ABCC10: variants seen among roughly 807,000 people sequenced by gnomAD.
ABCC10 encodes ATP-binding cassette sub-family C member 10.
A neutral mutation model predicts 143.2 loss-of-function variants in ABCC10; 110 were observed. The ratio of observed to expected loss-of-function variants is 0.77; its 90% CI spans 0.66 to 0.90. The LOEUF is 0.90. Among genes scored for constraint, ABCC10 ranks in the 40% least tolerant of loss-of-function variants. The pLI is 0.00. For synonymous variants in ABCC10, 805 were observed against 846.7 expected, an observed-to-expected ratio of 0.95 and a Z score of 0.85; for missense variants, 1,700 against 1,900.5, an observed-to-expected ratio of 0.89 and a Z score of 1.96.
chr6:43,438,227 G>A (rs1781965444), intron 7 of ABCC10: 1 of 951,516 alleles, frequency 1.1e-6, no homozygotes, highest in Non-Finnish European at 1.5e-6. Context: ...TGCTATAATA[G>A]TCAGCAAAGG....
chr6:43,433,366 CG>C lies in ABCC10; in HGVS notation c.1380+9del. The stretch of plus-strand genomic sequence containing the variant: ...ACAAGGATGCGCGGGTTAAGGTGAG[CG>C]GGTACTTGGGGTCCCTCAGCTATCT... On this transcript the variant is annotated splice_region_variant and intron_variant, in intron 3 of 21. Coordinates refer to ENST00000372530, the MANE Select transcript of ABCC10 (RefSeq NM_001198934.2). 1 of 1,599,124 alleles carries C rather than the reference CG, an allele frequency of 6.3e-7. No individual in the cohort carries two copies. The highest frequency in any genetic ancestry group is 2.2e-5 in the East Asian group (1 of 44,638).
rs1401913699 is a variant in ABCC10, at chr6:43,449,223, A to G, written c.4203+19A>G. On this transcript the variant is annotated intron_variant, in intron 20 of 21. Transcript: ENST00000372530. Reference sequence around the variant, plus strand: ...TGCCAAGGTAAGGTGAGAGAAAGAGACATTAGAGAGGGCCAGGAAGAAGGC... The same window carrying G: ...TGCCAAGGTAAGGTGAGAGAAAGAGGCATTAGAGAGGGCCAGGAAGAAGGC... 6.2e-7 allele frequency: 1 copy of G among 1,612,538 alleles called. No homozygotes were observed. Among genetic ancestry groups the G allele is most frequent in the Non-Finnish European group, 8.5e-7 (1 of 1,179,032 alleles).
downstream of ABCC10, chr6:43,450,921 G>T (rs1783691851): frequency 6.2e-7 from 1 of 1,614,068 alleles, no homozygotes; most frequent in Non-Finnish European, 8.5e-7. This position sits in a 1 kb window ranked among gnomAD's most constrained non-coding sequence, Gnocchi z 4.5. Flanking sequence ...CACTGTGGTT[G>T]GGGGGTCTGG....
Position 43,432,946 on chromosome 6 carries a change from C to A in ABCC10, c.966C>A (p.His322Gln), listed in dbSNP as rs145760020. 6.2e-7 allele frequency: 1 copy of A among 1,614,184 alleles called. No homozygotes were observed. Among genetic ancestry groups the A allele is most frequent in the Non-Finnish European group, 8.5e-7 (1 of 1,180,034 alleles). The change falls in exon 3 of 22, where the codon CAC becomes CAA. Residue 322 changes from histidine (H) to glutamine (Q), a missense_variant. Transcript: ENST00000372530. Reference sequence around the variant, plus strand: ...AAGAGGGGCAGGAGCCACTAAGCCACGGCCTGCTCTATGCTCTGGGGCTAG... The same window carrying A: ...AAGAGGGGCAGGAGCCACTAAGCCAAGGCCTGCTCTATGCTCTGGGGCTAG... The part of the protein sequence containing the change: ...FLEEGQEPLS[H>Q]GLLYALGLAG...
intron 2 of ABCC10, among the ~76,000 whole-genome samples, chr6:43,429,354 CTTTCTTTCT>C (rs1780850197): frequency 2.5e-4 from 1 of 4,046 alleles, no homozygotes; most frequent in Non-Finnish European, 8.9e-4. Flanking sequence ...TCTTTCTTTT[CTTTCTTTCT>C]TTTCTTTCTT....
Position 43,449,950 on chromosome 6 carries a change from A to G in ABCC10, c.4338A>G (p.Ser1446=), listed in dbSNP as rs778534477. Residue 1446 remains serine, a synonymous_variant, in exon 22 of 22, where the codon TCA becomes TCG. Coordinates refer to ENST00000372530, the MANE Select transcript of ABCC10 (RefSeq NM_001198934.2). ...IAHRLNTILN[S]DRVLVLQAGR... The stretch of plus-strand genomic sequence containing the variant: ...ACAGGCTCAACACGATCCTGAACTC[A>G]GACCGGGTGCTGGTGCTACAAGCGG... The G allele has an allele frequency of 1.9e-6, 3 of 1,613,926 alleles. No individual in the cohort carries two copies. The African/African-American group carries it at 4.0e-5, about 22-fold the overall frequency.
rs1432920537 is a variant in ABCC10 at position 43,433,377 on chromosome 6, G to A, written c.1380+17G>A. 1.3e-6 allele frequency: 2 copies of A among 1,588,496 alleles called. No individual in the cohort carries two copies. The highest frequency in any genetic ancestry group is 1.3e-5 in the African/African-American group (1 of 74,594). On this transcript the variant is annotated intron_variant, in intron 3 of 21. Coordinates refer to ENST00000372530, the MANE Select transcript of ABCC10 (RefSeq NM_001198934.2). ...CGGGTTAAGGTGAGCGGGTACTTGGGGTCCCTCAGCTATCTGGAGACCCCA... is the reference window on the plus strand; with the variant it reads ...CGGGTTAAGGTGAGCGGGTACTTGGAGTCCCTCAGCTATCTGGAGACCCCA...
Position 43,444,852 on chromosome 6 carries a change from C to G in ABCC10, c.2754C>G (p.Ser918Arg), listed in dbSNP as rs1238052255. The G allele has an allele frequency of 6.2e-7, 1 of 1,613,878 alleles. No homozygotes were observed. The highest frequency in any genetic ancestry group is 1.3e-5 in the African/African-American group (1 of 74,926). ...HWISQLKAEN[S>R]SQEAQPSTSP... ...TCTCTCAGCTGAAGGCTGAGAATAG[C>G]TCCCAGGAGGCGCAACCCTCCACCA... The change falls in exon 13 of 22, where the codon AGC (serine) becomes AGG (arginine). Residue 918 changes from serine to arginine, a missense_variant. Coordinates refer to ENST00000372530, the MANE Select transcript of ABCC10 (RefSeq NM_001198934.2).
intron 2 of ABCC10, among the ~76,000 whole-genome samples, chr6:43,430,455 C>A (rs529378051): frequency 6.6e-6 from 1 of 151,972 alleles, no homozygotes; most frequent in Non-Finnish European, 1.5e-5. Context: ...TAACTGTCAT[C>A]AGGTGGACTT....
At chr6:43,433,972 T>G (rs1194596206) in intron 3 of ABCC10, among the ~76,000 whole-genome samples, 1 of 152,238 alleles carries the variant, frequency 6.6e-6, no homozygotes, top group Non-Finnish European at 1.5e-5. Context: ...TCCTGGGGGT[T>G]CATACAGCAT....
intron 2 of ABCC10, among the ~76,000 whole-genome samples, chr6:43,429,377 T>TGTGTGTGTGTGC (rs1780874804): frequency 5.1e-5 from 2 of 39,156 alleles, no homozygotes; most frequent in Admixed American, 2.2e-4. Context: ...CTTTCTTGTG[T>TGTGTGTGTGTGC]GTGTGTGTGT....
intron 8 of ABCC10, among the ~76,000 whole-genome samples, chr6:43,441,249 G>C (rs1386711024): frequency 6.6e-6 from 1 of 151,920 alleles, no homozygotes; most frequent in African/African-American, 2.4e-5. Context: ...AGGCCAAGGT[G>C]GGTGGATCAC....
chr6:43,434,568 GAC>G, intron 3 of ABCC10, 51 bp from the exon 4 acceptor site: 1 of 1,525,826 alleles, frequency 6.6e-7, no homozygotes, highest in Non-Finnish European at 9.0e-7. Flanking sequence ...TGGCAGGGAA[GAC>G]ACATGAGCAG....
rs752661725 is a variant in ABCC10 at position 43,428,222 on chromosome 6, A to G, written c.161+83A>G. ...GCCTACATCTTCCGGCAGTGTCACC[A>G]GAATAGCGAGGTCTCTGGAGTAGGG... On this transcript the variant is annotated intron_variant, in intron 2 of 21. Coordinates refer to ENST00000372530, the MANE Select transcript of ABCC10 (RefSeq NM_001198934.2). 1.9e-4 allele frequency: 260 copies of G among 1,389,814 alleles called. 2 individuals are homozygous for G. The highest frequency in any genetic ancestry group is 3.7e-5 in the Non-Finnish European group (39 of 1,049,442). The allele number at this position is 1,389,814 out of a possible 1,614,324, so 86.1% of individuals were successfully genotyped here.
rs1781510422 is a variant in ABCC10, at chr6:43,434,829, A to G, written c.1589A>G (p.His530Arg). 3.1e-6 allele frequency: 5 copies of G among 1,614,124 alleles called. No homozygotes were observed. The highest frequency in any genetic ancestry group is 1.3e-5 in the African/African-American group (1 of 75,038). The change falls in exon 4 of 22, where the codon CAC becomes CGC. Residue 530 changes from histidine (H) to arginine (R), a missense_variant. Coordinates refer to ENST00000372530, the MANE Select transcript of ABCC10 (RefSeq NM_001198934.2). ...TTCATCACCTATGTCCTCATGGGGC[A>G]CCAGCTCACTGCCACCAAGGTGAGG... ...VIFITYVLMG[H>R]QLTATKVFTA... is the part of the protein sequence containing the mutation.
In ABCC10 at chr6:43,447,765, C is replaced by T. The variant is rs1581790988; in HGVS notation, c.3787C>T (p.Leu1263=). The T allele has an allele frequency of 3.7e-6, 6 of 1,613,834 alleles. No homozygotes were observed. The East Asian group carries it at 1.1e-4, about 30-fold the overall frequency. The change falls in exon 18 of 22, where the codon CTG becomes TTG. Residue 1263 remains leucine (L), a synonymous_variant. Transcript: ENST00000372530. ...GTACCGGCCAGGGCTGCCGAATGCC[C>T]TGGATGGAGTGACCTTCTGCGTGCA... ...LAYRPGLPNA[L]DGVTFCVQPG... is the part of the protein sequence containing the mutation.
chr6:43,446,649 G>T, intron 16 of ABCC10: 1 of 985,242 alleles, frequency 1.0e-6, no homozygotes, highest in Non-Finnish European at 1.2e-6. Flanking sequence ...TGGTGGCTTG[G>T]GGACTAGAAT....
At position 43,435,813 on chromosome 6, in the gene ABCC10, GATC is replaced by G; in HGVS notation, c.1673_1675del (p.Ile558del). On this transcript the variant is annotated inframe_deletion, in exon 5 of 22. Transcript: ENST00000372530. ...TTCCTCTCAACAACTTCCCTTGGGT[GATC>G]AATGGTCTCCTGGAGGCCAAAGTGT... The G allele has an allele frequency of 6.2e-7, 1 of 1,614,222 alleles. No homozygotes were observed. Among genetic ancestry groups the G allele is most frequent in the African/African-American group, 1.3e-5 (1 of 75,058 alleles).
Position 43,444,201 on chromosome 6 carries a change from G to A in ABCC10, c.2537G>A (p.Gly846Glu), listed in dbSNP as rs760290118. ...CAGAACCCAGAGAAAACAAAGGAGGGGCTGGAGGAGGAGCAGAGCACATCT... is the reference window on the plus strand; with the variant it reads ...CAGAACCCAGAGAAAACAAAGGAGGAGCTGGAGGAGGAGCAGAGCACATCT... ...SVQNPEKTKE[G>E]LEEEQSTSGR... Residue 846 changes from glycine (G) to glutamate (E), a missense_variant, in exon 12 of 22, where the codon GGG (glycine) becomes GAG (glutamate). By Grantham distance (98) the Gly-to-Glu change is moderately conservative. Transcript: ENST00000372530. 73 of 1,613,964 alleles carry A rather than the reference G, an allele frequency of 4.5e-5. No homozygotes were observed. The East Asian group carries it at 1.6e-3, about 35-fold the overall frequency.
Sources: allele counts gnomAD v4.1 joint callset (sites outside exome capture counted in the v4.1 genomes callset), GRCh38; gene constraint gnomAD v4.1.1; non-coding constraint Gnocchi (gnomAD v3.1); transcripts MANE v1.5; gene names NCBI Gene and HGNC (gene_info 2026-07-23, HGNC 2026-07-21).